The following MAP3K20 variants were observed in gnomAD, a reference collection of about 807,000 sequenced individuals.
The protein encoded by MAP3K20 is mitogen-activated protein kinase kinase kinase 20.
In MAP3K20, 40 loss-of-function variants were observed where a neutral mutation model predicts 85.7. The ratio of observed to expected loss-of-function variants is 0.47; its 90% CI spans 0.36 to 0.61. The LOEUF (loss-of-function observed/expected upper bound fraction) is 0.61. Among genes scored for constraint, MAP3K20 ranks in the 20% least tolerant of loss-of-function variants. The pLI, the probability that MAP3K20 is intolerant of heterozygous loss-of-function variation, is 0.00. For synonymous variants in MAP3K20, 325 were observed against 327.7 expected (o/e 0.99, Z 0.09); for missense variants, 817 against 961.7 (o/e 0.85, Z 1.99).
Position 173,261,074 on chromosome 2 carries a change from A to G in MAP3K20, c.1488A>G (p.Val496=). The G allele has an allele frequency of 1.2e-6, 2 of 1,613,502 alleles. No individual in the cohort carries two copies. Among genetic ancestry groups the G allele is most frequent in the South Asian group, 2.2e-5 (2 of 91,058 alleles). Residue 496 remains valine (V), a synonymous_variant, in exon 18 of 20, where the codon GTA becomes GTG. Transcript: ENST00000375213. ...EILKMTKPPF[V]MEKWIVGIAK... is the part of the protein sequence containing the mutation. ...CTTTTGTTTTTCAGCCACCATTTGT[A>G]ATGGAGAAGTGGATTGTAGGAATAG...
At chr2:173,079,530 C>CT (rs914147134) in intron 1 of MAP3K20, among the ~76,000 whole-genome samples, 9 of 151,850 alleles carry the variant, frequency 5.9e-5, no homozygotes, top group African/African-American at 9.7e-5. Flanking sequence ...AAACTTTAAA[C>CT]TTTTTTTTAA....
chr2:173,171,845 G>C (rs1690008603), intron 3 of MAP3K20, among the ~76,000 whole-genome samples: 1 of 152,062 alleles, frequency 6.6e-6, no homozygotes, highest in Admixed American at 6.5e-5. Flanking sequence ...AACAACACAA[G>C]TTTCAGATTA....
intron 3 of MAP3K20, among the ~76,000 whole-genome samples, chr2:173,178,023 A>C (rs79795238): frequency 0.014 from 2,064 of 152,262 alleles, 25 homozygotes; most frequent in South Asian, 0.029. Context: ...CAATAGCAAA[A>C]ATCAGTTTAT....
intron 2 of MAP3K20, among the ~76,000 whole-genome samples, chr2:173,110,224 TATATATATATATATATA>T (rs1165063311): frequency 0.016 from 164 of 10,554 alleles, 2 homozygotes; most frequent in Non-Finnish European, 0.021. Flanking sequence ...TATATATATA[TATATATATATATATATA>T]TTTTTTTTTT....
intron 12 of MAP3K20, 48 bp downstream of exon 12, chr2:173,229,781 T>C (rs1336438135): frequency 1.9e-6 from 3 of 1,607,914 alleles, no homozygotes; most frequent in Non-Finnish European, 2.6e-6. Context: ...AGGTATTTCA[T>C]AAATTTTTCC....
intron 13 of MAP3K20, 26 bp from the exon 14 acceptor site, chr2:173,232,294 T>C: frequency 1.9e-6 from 3 of 1,614,068 alleles, no homozygotes; most frequent in Non-Finnish European, 2.5e-6. Flanking sequence ...TCTAATTTTA[T>C]TCTGCTTTCT....
At chr2:173,261,340 T>C (rs1685287253) in intron 18 of MAP3K20, among the ~76,000 whole-genome samples, 1 of 152,222 alleles carries the variant, frequency 6.6e-6, no homozygotes, top group African/African-American at 2.4e-5. Context: ...AGGATAAACT[T>C]ACCCAGATAG....
intron 16 of MAP3K20, among the ~76,000 whole-genome samples, chr2:173,248,021 G>A (rs1684960293): frequency 6.6e-6 from 1 of 152,178 alleles, no homozygotes; most frequent in South Asian, 2.1e-4. Flanking sequence ...TACATGTGCA[G>A]GACAGAGCAC....
chr2:173,224,310 G>C, intron 11 of MAP3K20: 1 of 985,372 alleles, frequency 1.0e-6, no homozygotes, highest in South Asian at 4.7e-5. Flanking sequence ...TAAACCTGGA[G>C]TCTCATTTAA....
At chr2:173,187,445 A>G (rs771671288) in intron 4 of MAP3K20, 113 bp from the exon 5 acceptor site, 4 of 813,272 alleles carry the variant, frequency 4.9e-6, no homozygotes, top group Non-Finnish European at 7.7e-6. Context: ...TCATGGAAGA[A>G]TAAGACATGT....
intron 2 of MAP3K20, among the ~76,000 whole-genome samples, chr2:173,125,017 T>G (rs1323510537): frequency 6.6e-6 from 1 of 151,946 alleles, no homozygotes; most frequent in African/African-American, 2.4e-5. Flanking sequence ...AAATAAAAAT[T>G]TTACCAACTG....
chr2:173,115,985 A>T (rs905253903), intron 2 of MAP3K20, among the ~76,000 whole-genome samples: 3 of 151,252 alleles, frequency 2.0e-5, no homozygotes, highest in African/African-American at 7.3e-5. Flanking sequence ...AGCATGTCTT[A>T]CCAGGGCAGA....
chr2:173,173,152 T>TTC (rs1319326154), intron 3 of MAP3K20, among the ~76,000 whole-genome samples: 2 of 121,556 alleles, frequency 1.6e-5, no homozygotes, highest in South Asian at 2.9e-4. Flanking sequence ...ATTCTTTTAT[T>TTC]TCTGTGTGTG....
At chr2:173,180,964 T>C (rs1690307203) in intron 3 of MAP3K20, among the ~76,000 whole-genome samples, 1 of 151,930 alleles carries the variant, frequency 6.6e-6, no homozygotes, top group African/African-American at 2.4e-5. Context: ...AATGACAAAC[T>C]GGGAAAAAAT....
At chr2:173,242,267 C>G (rs556382216) in intron 16 of MAP3K20, among the ~76,000 whole-genome samples, 8 of 151,834 alleles carry the variant, frequency 5.3e-5, no homozygotes, top group Admixed American at 2.0e-4. Context: ...CCTCCGACTC[C>G]CTGGTTCAAG....
rs542316981 is a variant in MAP3K20, at chr2:173,266,865, A to G, written c.*115A>G. On this transcript the variant is annotated 3_prime_UTR_variant, in exon 20 of 20. Transcript: ENST00000375213. The stretch of plus-strand genomic sequence containing the variant: ...GAATTAACGAAAAGACAACACTTCC[A>G]GTTTTTGGATTGGGAAATACCTTCT... The G allele has an allele frequency of 4.6e-6, 5 of 1,086,696 alleles. No individual in the cohort carries two copies. Among genetic ancestry groups the G allele is most frequent in the East Asian group, 2.8e-5 (1 of 36,316 alleles). 67.3% of individuals were successfully genotyped at this position (1,086,696 alleles called of 1,614,324 possible). A position where few individuals can be genotyped will look rare whatever the true frequency, so the allele number is the denominator to read the frequency against.
rs1686858785 is a variant in MAP3K20 at position 173,076,292 on chromosome 2, A to G, written c.-35+290A>G. Among the ~76,000 whole-genome samples, 4 of 152,034 alleles carry G rather than the reference A, an allele frequency of 2.6e-5. No individual in the cohort carries two copies. The South Asian group carries it at 6.2e-4, about 24-fold the overall frequency. ...GTTCGGGAGAGTTCGGGCCGGTCCCATGGAGAAGTTGGCGCCTGGAGGCGC... is the reference window on the plus strand; with the variant it reads ...GTTCGGGAGAGTTCGGGCCGGTCCCGTGGAGAAGTTGGCGCCTGGAGGCGC... On this transcript the variant is annotated intron_variant, in intron 1 of 19. Coordinates refer to ENST00000375213, the MANE Select transcript of MAP3K20 (RefSeq NM_016653.3).
chr2:173,106,082 G>T (rs1687775467), intron 2 of MAP3K20, among the ~76,000 whole-genome samples: 1 of 152,104 alleles, frequency 6.6e-6, no homozygotes, highest in South Asian at 2.1e-4. Flanking sequence ...ACATTTATGG[G>T]TCAGAATATT....
rs1688135952 is a variant in MAP3K20 at position 173,116,805 on chromosome 2, C to T, written c.159+25615C>T. 2.0e-5 allele frequency among the ~76,000 whole-genome samples: 3 copies of T among 152,246 alleles called. No homozygotes were observed. The South Asian group carries it at 6.2e-4, about 31-fold the overall frequency. On this transcript the variant is annotated intron_variant, in intron 2 of 19. Transcript: ENST00000375213. ...CTTATTGGTAGAAGCTTAGAACCTT[C>T]AAAATGGCATGCCTGCGCTTCCCTT...
Sources: allele counts gnomAD v4.1 joint callset (sites outside exome capture counted in the v4.1 genomes callset), GRCh38; gene constraint gnomAD v4.1.1; transcripts MANE v1.5; gene names NCBI Gene and HGNC (gene_info 2026-07-23, HGNC 2026-07-21).